The following CIMAP2 variants were observed in gnomAD, a reference collection of about 807,000 sequenced individuals.
The protein encoded by CIMAP2 is ciliary microtubule associated protein 2, also known as ciliary microtubule-associated protein 2.
the CIMAP2 span, among the ~76,000 whole-genome samples, chr1:54,810,828 C>A: frequency 1.1e-3 from 163 of 152,342 alleles, no homozygotes; most frequent in Non-Finnish European, 2.0e-3. Flanking sequence ...GGCATTCAGC[C>A]ACCCCACCCT....
the CIMAP2 span, among the ~76,000 whole-genome samples, chr1:54,809,107 T>A: frequency 7.1e-6 from 1 of 140,722 alleles, no homozygotes; most frequent in African/African-American, 2.6e-5. Context: ...GTGGACTGAA[T>A]AAGTGCATGC....
the CIMAP2 span, among the ~76,000 whole-genome samples, chr1:54,826,663 C>T: frequency 1.6e-4 from 25 of 152,198 alleles, no homozygotes; most frequent in Non-Finnish European, 2.9e-4. Flanking sequence ...TGAGGGCTCT[C>T]CTGTGGGTAG....
the CIMAP2 span, chr1:54,807,874 CTT>C: frequency 1.0e-5 from 16 of 1,559,400 alleles, no homozygotes; most frequent in African/African-American, 1.8e-4. Flanking sequence ...CATTTTCTCT[CTT>C]CTCTTGGCAC....
the CIMAP2 span, among the ~76,000 whole-genome samples, chr1:54,833,628 A>T: frequency 6.6e-6 from 1 of 152,158 alleles, no homozygotes; most frequent in Admixed American, 6.5e-5. Context: ...CTGTGTATAC[A>T]GTAGGTGCTT....
chr1:54,807,019 C>A, the CIMAP2 span: 1 of 1,613,978 alleles, frequency 6.2e-7, no homozygotes, highest in Non-Finnish European at 8.5e-7. Flanking sequence ...GCTGTTTATC[C>A]CAACTGGAAG....
At chr1:54,810,813 C>A in the CIMAP2 span, among the ~76,000 whole-genome samples, 1 of 152,184 alleles carries the variant, frequency 6.6e-6, no homozygotes, top group East Asian at 1.9e-4. Context: ...CCTCCTGCCC[C>A]GCAAGGCATT....
the CIMAP2 span, among the ~76,000 whole-genome samples, chr1:54,836,295 GCC>G: frequency 6.5e-3 from 1 of 154 alleles, no homozygotes; most frequent in Admixed American, 0.071. Context: ...CTGCCTGCCT[GCC>G]TGCCTGCCTG....
At chr1:54,806,137 C>T in the CIMAP2 span, 21 of 1,545,050 alleles carry the variant, frequency 1.4e-5, no homozygotes, top group African/African-American at 1.3e-4. Context: ...GCCAGGATGC[C>T]GCCGGAGCTC....
At chr1:54,811,773 G>GTCCCCCC in the CIMAP2 span, 1 of 1,325,052 alleles carries the variant, frequency 7.5e-7, no homozygotes, top group Non-Finnish European at 1.0e-6. Context: ...CAGCCTCCAT[G>GTCCCCCC]CCCCCACCCC....
chr1:54,807,455 T>A, the CIMAP2 span: 11 of 1,434,798 alleles, frequency 7.7e-6, no homozygotes, highest in Non-Finnish European at 9.2e-6. Flanking sequence ...GGTGGTGGCT[T>A]GGTGAGGGCC....
chr1:54,811,765 G>GCCGGGGGGGGGGCGCC, the CIMAP2 span: 1 of 1,301,332 alleles, frequency 7.7e-7, no homozygotes, highest in Non-Finnish European at 1.1e-6. Flanking sequence ...GGTTCTGACA[G>GCCGGGGGGGGGGCGCC]CCTCCATGCC....
At chr1:54,814,909 C>T in the CIMAP2 span, 76 of 1,614,094 alleles carry the variant, frequency 4.7e-5, no homozygotes, top group African/African-American at 1.6e-4. Flanking sequence ...CTTCCTTACT[C>T]GTAGGCCACA....
At chr1:54,833,401 CG>C in the CIMAP2 span, among the ~76,000 whole-genome samples, 1 of 152,170 alleles carries the variant, frequency 6.6e-6, no homozygotes, top group African/African-American at 2.4e-5. Flanking sequence ...TCAACCAGTG[CG>C]CTGCCTTTGA....
At chr1:54,807,230 C>G in the CIMAP2 span, 1 of 938,484 alleles carries the variant, frequency 1.1e-6, no homozygotes, top group Non-Finnish European at 1.7e-6. Context: ...GTGGGGGCTT[C>G]CAGTGTGTTT....
chr1:54,842,211 C>G, the CIMAP2 span: 3 of 368,710 alleles, frequency 8.1e-6, no homozygotes, highest in African/African-American at 2.0e-5. Context: ...TATTCTAAAG[C>G]CAGAGTGCTT....
the CIMAP2 span, chr1:54,817,041 A>C: frequency 6.2e-7 from 1 of 1,614,192 alleles, no homozygotes; most frequent in Non-Finnish European, 8.5e-7. Context: ...GAGACAAAGG[A>C]CAGGCGGCAG....
the CIMAP2 span, among the ~76,000 whole-genome samples, chr1:54,830,303 A>G: frequency 8.6e-5 from 13 of 151,924 alleles, no homozygotes; most frequent in Non-Finnish European, 1.3e-4. The surrounding 1 kb of genome is among the most constrained non-coding windows in gnomAD (Gnocchi z 4.1). Context: ...GCTCACCACA[A>G]CCTTCGCCTC....
chr1:54,819,905 C>T, the CIMAP2 span, among the ~76,000 whole-genome samples: 2 of 133,828 alleles, frequency 1.5e-5, no homozygotes, highest in Non-Finnish European at 3.1e-5. Flanking sequence ...TTCCTTCTTT[C>T]CTTTCTTCCC....
the CIMAP2 span, among the ~76,000 whole-genome samples, chr1:54,816,780 A>T: frequency 2.0e-3 from 311 of 152,250 alleles, 1 homozygote; most frequent in African/African-American, 7.0e-3. Flanking sequence ...ATCTTAACTA[A>T]TTATGTCTGT....
Sources: allele counts gnomAD v4.1 joint callset (sites outside exome capture counted in the v4.1 genomes callset), GRCh38; gene constraint gnomAD v4.1.1; non-coding constraint Gnocchi (gnomAD v3.1); transcripts MANE v1.5; gene names NCBI Gene and HGNC (gene_info 2026-07-23, HGNC 2026-07-21).